NWD2: variants seen among roughly 807,000 people sequenced by gnomAD.
NWD2 encodes the protein NACHT and WD repeat domain containing 2, also known as NACHT and WD repeat domain-containing protein 2.
A neutral mutation model predicts 132.7 loss-of-function variants in NWD2; 37 were observed. The ratio of observed to expected loss-of-function variants is 0.28; its 90% CI spans 0.21 to 0.37. The LOEUF (loss-of-function observed/expected upper bound fraction) is 0.37. Among genes scored for constraint, NWD2 ranks in the 10% least tolerant of loss-of-function variants. The probability of loss-of-function intolerance (pLI) is 1.00; values close to 1 mark genes in which losing one functional copy is unlikely to be tolerated. For synonymous variants in NWD2, 705 were observed against 803.0 expected (o/e 0.88, Z 2.06); for missense variants, 1,592 against 2,122.4 (o/e 0.75, Z 4.91).
At chr4:37,332,248 A>G in intron 2 of NWD2, among the ~76,000 whole-genome samples, 1 of 152,156 alleles carries the variant, frequency 6.6e-6, no homozygotes, top group East Asian at 1.9e-4. Flanking sequence ...AACCCCAGGC[A>G]GTGCAGCTCA....
chr4:37,261,972 G>A (rs891600228), intron 1 of NWD2, among the ~76,000 whole-genome samples: 13 of 152,216 alleles, frequency 8.5e-5, no homozygotes, highest in African/African-American at 2.2e-4. Flanking sequence ...GAGCATGACT[G>A]GGGTGTTCAA....
intron 3 of NWD2, among the ~76,000 whole-genome samples, chr4:37,381,042 T>C (rs575631463): frequency 1.3e-5 from 2 of 152,324 alleles, no homozygotes; most frequent in East Asian, 3.9e-4. Flanking sequence ...TAGATCCTAA[T>C]GTCGAGCAAA....
intron 3 of NWD2, among the ~76,000 whole-genome samples, chr4:37,403,223 C>G (rs1720931464): frequency 6.6e-6 from 1 of 152,114 alleles, no homozygotes; most frequent in African/African-American, 2.4e-5. Context: ...AGACAAGGAC[C>G]CTTCATTCTG....
At chr4:37,420,389 T>G (rs1711771018) in intron 3 of NWD2, among the ~76,000 whole-genome samples, 1 of 152,154 alleles carries the variant, frequency 6.6e-6, no homozygotes, top group African/African-American at 2.4e-5. Context: ...ACTGCTCTCC[T>G]AGGAGAAAGG....
chr4:37,305,376 G>A (rs1577661818), intron 1 of NWD2, among the ~76,000 whole-genome samples: 2 of 152,288 alleles, frequency 1.3e-5, no homozygotes, highest in East Asian at 3.9e-4. Context: ...GCAGATTTCT[G>A]CAGCCTTGAA....
At position 37,416,674 on chromosome 4, in the gene NWD2, T is replaced by C. The variant is rs75103510; in HGVS notation, c.358-13898T>C. Among the ~76,000 whole-genome samples the C allele has an allele frequency of 7.0e-4, 107 of 152,278 alleles. 1 individual carries two copies. The East Asian group carries it at 0.02, about 29-fold the overall frequency. ...ACACACATATTTATAGCAGCACAATTTGCAATTGCAAAAATATAGAACCAG... is the reference window on the plus strand; with the variant it reads ...ACACACATATTTATAGCAGCACAATCTGCAATTGCAAAAATATAGAACCAG... On this transcript the variant is annotated intron_variant, in intron 3 of 6. Coordinates refer to ENST00000309447, the MANE Select transcript of NWD2 (RefSeq NM_001144990.2).
chr4:37,306,488 A>G (rs190932392), intron 1 of NWD2, among the ~76,000 whole-genome samples: 6 of 152,180 alleles, frequency 3.9e-5, no homozygotes, highest in Admixed American at 1.3e-4. Flanking sequence ...GCCTTTGTCT[A>G]TCCCATAGGT....
intron 1 of NWD2, among the ~76,000 whole-genome samples, chr4:37,280,053 A>G (rs1718097477): frequency 6.6e-6 from 1 of 152,202 alleles, no homozygotes. Flanking sequence ...TATCCAGAGT[A>G]CAGAAAGTCC....
chr4:37,421,937 A>C (rs1364728591), intron 3 of NWD2, among the ~76,000 whole-genome samples: 1 of 152,200 alleles, frequency 6.6e-6, no homozygotes, highest in Non-Finnish European at 1.5e-5. Context: ...GACTAGAATA[A>C]GGACCATCTT....
intron 2 of NWD2, among the ~76,000 whole-genome samples, chr4:37,346,904 A>T (rs12644246): frequency 0.26 from 39,387 of 151,862 alleles, 5,762 homozygotes; most frequent in Admixed American, 0.41. Context: ...TTGTATATTG[A>T]TCTTGCACCC....
At chr4:37,371,154 T>G (rs942819102) in intron 3 of NWD2, among the ~76,000 whole-genome samples, 16 of 139,156 alleles carry the variant, frequency 1.1e-4, no homozygotes, top group Non-Finnish European at 2.4e-4. Flanking sequence ...CTCGGCTCAC[T>G]GCCATCTCTG....
chr4:37,317,568 A>G (rs1485244742), intron 1 of NWD2, among the ~76,000 whole-genome samples: 1 of 152,204 alleles, frequency 6.6e-6, no homozygotes, highest in Non-Finnish European at 1.5e-5. Flanking sequence ...GTCTCAGTTA[A>G]GTAGGGATAG....
chr4:37,388,972 T>A (rs1040854371), intron 3 of NWD2, among the ~76,000 whole-genome samples: 1 of 151,400 alleles, frequency 6.6e-6, no homozygotes, highest in Non-Finnish European at 1.5e-5. Flanking sequence ...GGAGAGTTGA[T>A]AAATAAAAAG....
intron 3 of NWD2, among the ~76,000 whole-genome samples, chr4:37,395,110 A>G (rs1219192515): frequency 6.6e-6 from 1 of 151,676 alleles, no homozygotes; most frequent in Non-Finnish European, 1.5e-5. Flanking sequence ...TGGCCCCTTT[A>G]TGTTAATTCT....
chr4:37,444,361 A>T lies in NWD2; in HGVS notation c.2373A>T (p.Arg791Ser). ...YLNGCLDLEN[R>S]SLLEEEKHFM... ...ATGGCTGCCTTGACTTGGAGAACAG[A>T]AGTTTGCTGGAGGAAGAAAAGCACT... Residue 791 changes from arginine to serine, a missense_variant, in exon 7 of 7, where the codon AGA (arginine) becomes AGT (serine). Transcript: ENST00000309447. The surrounding 1 kb of genome is among the most constrained non-coding windows in gnomAD (Gnocchi z 4.8). 6.4e-7 allele frequency: 1 copy of T among 1,552,002 alleles called. No individual in the cohort carries two copies. The highest frequency in any genetic ancestry group is 1.2e-5 in the South Asian group (1 of 84,056).
At position 37,444,022 on chromosome 4, in the gene NWD2, G is replaced by C. The variant is rs1388484278; in HGVS notation, c.2034G>C (p.Glu678Asp). ...AKMGLSEMEL[E>D]DVLALDNSVM... ...TGGGTCTGAGTGAAATGGAACTGGA[G>C]GATGTGTTAGCCCTAGACAACAGTG... is the stretch of plus-strand genomic sequence containing the variant. The change falls in exon 7 of 7, where the codon GAG (glutamate) becomes GAC (aspartate). Residue 678 changes from glutamate to aspartate, a missense_variant. Physicochemically the swap from Glu to Asp is conservative, Grantham distance 45. This residue lies in a region of NWD2 where 1,071 missense variants were observed against 1,398.0 expected (regional missense o/e 0.77). Coordinates refer to ENST00000309447, the MANE Select transcript of NWD2 (RefSeq NM_001144990.2). This position sits in a 1 kb window ranked among gnomAD's most constrained non-coding sequence, Gnocchi z 4.8. 6 of 1,552,026 alleles carry C rather than the reference G, an allele frequency of 3.9e-6. No homozygotes were observed. The highest frequency in any genetic ancestry group is 5.2e-6 in the Non-Finnish European group (6 of 1,147,112).
chr4:37,311,869 C>G (rs902552880), intron 1 of NWD2, among the ~76,000 whole-genome samples: 1 of 150,618 alleles, frequency 6.6e-6, no homozygotes, highest in Non-Finnish European at 1.5e-5. Context: ...TTCCCAGCAC[C>G]ATTTATTAAA....
chr4:37,362,536 CTTTG>C, intron 3 of NWD2, among the ~76,000 whole-genome samples: 1 of 152,304 alleles, frequency 6.6e-6, no homozygotes, highest in Middle Eastern at 3.4e-3. Context: ...GCCATCTGAC[CTTTG>C]ACAAAGTTGA....
At chr4:37,291,361 T>C (rs143937305) in intron 1 of NWD2, among the ~76,000 whole-genome samples, 222 of 152,260 alleles carry the variant, frequency 1.5e-3, no homozygotes, top group African/African-American at 5.2e-3. Context: ...AGCTGCTGCA[T>C]TGAATTGCAT....
Sources: allele counts gnomAD v4.1 joint callset (sites outside exome capture counted in the v4.1 genomes callset), GRCh38; gene constraint gnomAD v4.1.1; regional missense constraint gnomAD v4.1.1; non-coding constraint Gnocchi (gnomAD v3.1); transcripts MANE v1.5; gene names NCBI Gene and HGNC (gene_info 2026-07-23, HGNC 2026-07-21).